The following GTF2F2 variants were observed in gnomAD, a reference collection of about 807,000 sequenced individuals.
The protein encoded by GTF2F2 is ATP-dependent helicase GTF2F2.
A neutral mutation model predicts 42.2 loss-of-function variants in GTF2F2; 23 were observed. The observed-to-expected ratio is 0.55, with a 90% CI of 0.39 to 0.77. The LOEUF (loss-of-function observed/expected upper bound fraction) is 0.77, where lower values mean the gene tolerates loss of function less well. Ranked by LOEUF, GTF2F2 falls within the 30% of genes least tolerant of loss-of-function variation. The pLI, the probability that GTF2F2 is intolerant of heterozygous loss-of-function variation, is 0.00. For synonymous variants in GTF2F2, 105 were observed against 100.8 expected (o/e 1.04, Z -0.25); for missense variants, 261 against 287.2 (o/e 0.91, Z 0.66).
intron 4 of GTF2F2, among the ~76,000 whole-genome samples, chr13:45,169,142 A>G (rs139958451): frequency 3.2e-3 from 492 of 152,046 alleles, no homozygotes; most frequent in African/African-American, 0.012. Context: ...GGCGTGAGCC[A>G]CTGTGCCCGC....
At chr13:45,242,289 T>C (rs1875355776) in intron 5 of GTF2F2, among the ~76,000 whole-genome samples, 1 of 148,940 alleles carries the variant, frequency 6.7e-6, no homozygotes, top group South Asian at 2.2e-4. Flanking sequence ...TTAACTTGAC[T>C]TTGGGCCAAG....
chr13:45,191,215 C>CA lies in GTF2F2; in HGVS notation c.305-16199dup, dbSNP rs1158010068. Among the ~76,000 whole-genome samples, 486 of 74,846 alleles carry CA rather than the reference C, an allele frequency of 6.5e-3. 13 individuals carry two copies. Among genetic ancestry groups the CA allele is most frequent in the African/African-American group, 6.8e-3 (79 of 11,616 alleles). The allele number at this position is 74,846 out of a possible 152,430, so 49.1% of individuals were successfully genotyped here. A position where few individuals can be genotyped will look rare whatever the true frequency, so the allele number is the denominator to read the frequency against. On this transcript the variant is annotated intron_variant, in intron 4 of 7. Transcript: ENST00000340473. ...TGAAACCCCGTCTCTACTAAAAATA[C>CA]AAAAAAAAAATATATATATATATAT... is the stretch of plus-strand genomic sequence containing the variant.
intron 5 of GTF2F2, among the ~76,000 whole-genome samples, chr13:45,240,417 T>TA (rs1189333594): frequency 6.6e-6 from 1 of 152,172 alleles, no homozygotes; most frequent in Non-Finnish European, 1.5e-5. Context: ...CTGGTGTAGC[T>TA]AGTGTATGTT....
At chr13:45,200,403 A>C (rs1475076484) in intron 4 of GTF2F2, among the ~76,000 whole-genome samples, 2 of 147,630 alleles carry the variant, frequency 1.4e-5, no homozygotes, top group Non-Finnish European at 3.0e-5. Context: ...TCCTGGGCTC[A>C]GGTGATCTTC....
At chr13:45,264,596 G>A (rs1876488475) in intron 6 of GTF2F2, among the ~76,000 whole-genome samples, 1 of 152,146 alleles carries the variant, frequency 6.6e-6, no homozygotes, top group African/African-American at 2.4e-5. Context: ...AATCTGGGTA[G>A]AATTCGGTAA....
At chr13:45,239,108 G>A (rs896948878) in intron 5 of GTF2F2, among the ~76,000 whole-genome samples, 5 of 152,192 alleles carry the variant, frequency 3.3e-5, no homozygotes, top group Non-Finnish European at 7.3e-5. Flanking sequence ...TAGGTGAGCT[G>A]CCTGCCTCCC....
intron 1 of GTF2F2, among the ~76,000 whole-genome samples, chr13:45,122,864 T>C (rs1214206943): frequency 2.0e-5 from 3 of 152,126 alleles, no homozygotes; most frequent in Non-Finnish European, 2.9e-5. Flanking sequence ...TTTAATTCCA[T>C]CACTAGACAG....
intron 4 of GTF2F2, among the ~76,000 whole-genome samples, chr13:45,187,895 G>A (rs1485269499): frequency 6.6e-6 from 1 of 152,082 alleles, no homozygotes; most frequent in African/African-American, 2.4e-5. Context: ...TATCACATAT[G>A]TAACTCCTTA....
chr13:45,212,508 T>TTTCTTTCTTTCTTTCTTTC (rs1555269211), intron 5 of GTF2F2, among the ~76,000 whole-genome samples: 1 of 46,506 alleles, frequency 2.2e-5, no homozygotes, highest in Non-Finnish European at 4.8e-5. Flanking sequence ...TCTTTCTTTC[T>TTTCTTTCTTTCTTTCTTTC]TTTCTTTCTT....
chr13:45,127,896 G>GCTAGGATTA (rs1869111494), intron 1 of GTF2F2, among the ~76,000 whole-genome samples: 1 of 131,268 alleles, frequency 7.6e-6, no homozygotes, highest in Non-Finnish European at 1.6e-5. Context: ...CTCCCAAAGT[G>GCTAGGATTA]CTAGGATTAC....
At chr13:45,158,783 G>A (rs556034554) in intron 4 of GTF2F2, among the ~76,000 whole-genome samples, 1 of 152,292 alleles carries the variant, frequency 6.6e-6, no homozygotes, top group East Asian at 1.9e-4. Context: ...GCACATCTGT[G>A]GCTTGGGATT....
At chr13:45,231,242 G>C (rs983845097) in intron 5 of GTF2F2, among the ~76,000 whole-genome samples, 1 of 152,008 alleles carries the variant, frequency 6.6e-6, no homozygotes, top group Non-Finnish European at 1.5e-5. Flanking sequence ...CGAGTAGCTG[G>C]GACTACAGGC....
Position 45,154,555 on chromosome 13 carries a change from T to A in GTF2F2, c.304+2724T>A, listed in dbSNP as rs570868101. 2.1e-3 allele frequency among the ~76,000 whole-genome samples: 326 copies of A among 152,358 alleles called. 1 individual carries two copies. The highest frequency in any genetic ancestry group is 7.7e-3 in the African/African-American group (321 of 41,590). On this transcript the variant is annotated intron_variant, in intron 4 of 7. Coordinates refer to ENST00000340473, the MANE Select transcript of GTF2F2 (RefSeq NM_004128.3). ...AGTTCTAAGTTGCTATTAGTTATAATACACTATAACAATTTTTTGCTTCTT... is the reference window on the plus strand; with the variant it reads ...AGTTCTAAGTTGCTATTAGTTATAAAACACTATAACAATTTTTTGCTTCTT...
chr13:45,179,206 G>T (rs896092636), intron 4 of GTF2F2, among the ~76,000 whole-genome samples: 1 of 152,210 alleles, frequency 6.6e-6, no homozygotes. Context: ...GAAACTAGCG[G>T]TGTGCAAGTA....
intron 1 of GTF2F2, 144 bp downstream of exon 1, chr13:45,120,865 A>G (rs916008605): frequency 7.8e-6 from 5 of 644,806 alleles, no homozygotes; most frequent in Non-Finnish European, 1.4e-5. Context: ...GGCAGGAGTC[A>G]TTGTTGTATC....
rs575892091 is a variant in GTF2F2 at position 45,200,061 on chromosome 13, C to T, written c.305-7363C>T. Among the ~76,000 whole-genome samples, 11 of 151,736 alleles carry T rather than the reference C, an allele frequency of 7.2e-5. No individual in the cohort carries two copies. In the South Asian group the frequency reaches 1.9e-3, roughly 26 times the overall value. On this transcript the variant is annotated intron_variant, in intron 4 of 7. Coordinates refer to ENST00000340473, the MANE Select transcript of GTF2F2 (RefSeq NM_004128.3). Reference sequence around the variant, plus strand: ...CTATAACTGAGGTACATCTTAATATCGTTAGCTTGTCAAAGTTTAGCAGCA... The same window carrying T: ...CTATAACTGAGGTACATCTTAATATTGTTAGCTTGTCAAAGTTTAGCAGCA...
chr13:45,194,181 C>T, intron 4 of GTF2F2: 1 of 1,614,118 alleles, frequency 6.2e-7, no homozygotes, highest in East Asian at 2.2e-5. Context: ...CTTTCTCCCA[C>T]CTGGATTTCA....
intron 6 of GTF2F2, among the ~76,000 whole-genome samples, chr13:45,254,498 G>A (rs1249576202): frequency 6.6e-6 from 1 of 152,130 alleles, no homozygotes; most frequent in East Asian, 1.9e-4. Context: ...ATTGGTCTGA[G>A]TGCTTCGTAA....
intron 5 of GTF2F2, among the ~76,000 whole-genome samples, chr13:45,223,343 C>T (rs1296045088): frequency 6.6e-6 from 1 of 150,978 alleles, no homozygotes; most frequent in Non-Finnish European, 1.5e-5. Flanking sequence ...AACACGTGCG[C>T]ATGCGTGCAC....
Sources: allele counts gnomAD v4.1 joint callset (sites outside exome capture counted in the v4.1 genomes callset), GRCh38; gene constraint gnomAD v4.1.1; transcripts MANE v1.5; gene names NCBI Gene and HGNC (gene_info 2026-07-23, HGNC 2026-07-21).